ZMIZ1: variants seen among roughly 807,000 people sequenced by gnomAD.
ZMIZ1 encodes zinc finger MIZ-type containing 1, also known as zinc finger MIZ domain-containing protein 1.
ZMIZ1 carries 17 observed loss-of-function variants against 113.9 expected under a neutral mutation model. The observed-to-expected ratio is 0.15, with a 90% confidence interval of 0.10 to 0.22. ZMIZ1 has a LOEUF of 0.22. ZMIZ1 is among the 10% of genes least tolerant of loss of function. The pLI, the probability that ZMIZ1 is intolerant of heterozygous loss-of-function variation, is 1.00. For synonymous variants in ZMIZ1, 607 were observed against 603.1 expected (o/e 1.01, Z -0.09); for missense variants, 1,059 against 1,477.8 (o/e 0.72, Z 4.65).
intron 1 of ZMIZ1, among the ~76,000 whole-genome samples, chr10:79,091,847 A>C (rs1272906284): frequency 6.6e-6 from 1 of 152,140 alleles, no homozygotes; most frequent in Non-Finnish European, 1.5e-5. Flanking sequence ...AGAAGTGGGG[A>C]GGGAGAGGTG....
intron 1 of ZMIZ1, among the ~76,000 whole-genome samples, chr10:79,074,804 C>T (rs915366356): frequency 2.0e-5 from 3 of 152,198 alleles, no homozygotes; most frequent in African/African-American, 7.2e-5. Context: ...GGGTTCAGGC[C>T]AGGGAGCAGC....
chr10:79,200,619 A>G (rs927774205), intron 4 of ZMIZ1, among the ~76,000 whole-genome samples: 1 of 152,176 alleles, frequency 6.6e-6, no homozygotes, highest in Non-Finnish European at 1.5e-5. Context: ...GTGTGGGCTC[A>G]GACACCACTT....
intron 3 of ZMIZ1, among the ~76,000 whole-genome samples, chr10:79,144,545 C>T (rs958985098): frequency 1.3e-5 from 2 of 152,094 alleles, no homozygotes; most frequent in Non-Finnish European, 2.9e-5. Context: ...GCACAGGGAT[C>T]CCCCTGGTCC....
Position 79,273,964 on chromosome 10 carries a change from C to G in ZMIZ1, c.281-3217C>G, listed in dbSNP as rs74778158. ...GTACTGGCCAAGGCTGTCCTGGGCC[C>G]AAGCGAGCTGCATTTTATGAAGGGG... On this transcript the variant is annotated intron_variant, in intron 7 of 24. Coordinates refer to ENST00000334512, the MANE Select transcript of ZMIZ1 (RefSeq NM_020338.4). 8.6e-3 allele frequency among the ~76,000 whole-genome samples: 1,306 copies of G among 152,362 alleles called. 8 individuals carry two copies. Among genetic ancestry groups the G allele is most frequent in the Non-Finnish European group, 0.012 (826 of 68,030 alleles).
chr10:79,178,450 C>A (rs944060253), intron 4 of ZMIZ1, among the ~76,000 whole-genome samples: 13 of 152,224 alleles, frequency 8.5e-5, no homozygotes, highest in Non-Finnish European at 1.8e-4. Context: ...AACCTGCAAG[C>A]CCATCCAGCT....
chr10:79,204,024 G>A (rs1025902116), intron 5 of ZMIZ1, among the ~76,000 whole-genome samples: 4 of 152,222 alleles, frequency 2.6e-5, no homozygotes, highest in Admixed American at 6.5e-5. Context: ...TCTCCGGTCA[G>A]ACACAGCTCA....
At chr10:79,288,834 G>A (rs921291222) in intron 8 of ZMIZ1, among the ~76,000 whole-genome samples, 2 of 152,212 alleles carry the variant, frequency 1.3e-5, no homozygotes, top group Admixed American at 6.5e-5. Context: ...AGCACAAGAG[G>A]TGGGGCTGAA....
chr10:79,209,965 G>C (rs1848471436), intron 6 of ZMIZ1, among the ~76,000 whole-genome samples: 1 of 152,218 alleles, frequency 6.6e-6, no homozygotes, highest in Non-Finnish European at 1.5e-5. Context: ...GCACCATCTG[G>C]CTCCCTCAGG....
chr10:79,198,213 C>A (rs1847926836), intron 4 of ZMIZ1, among the ~76,000 whole-genome samples: 1 of 152,070 alleles, frequency 6.6e-6, no homozygotes, highest in Non-Finnish European at 1.5e-5. Flanking sequence ...GAGTGGAGAT[C>A]ACGCCACTGC....
At chr10:79,072,825 A>G (rs543361086) in intron 1 of ZMIZ1, among the ~76,000 whole-genome samples, 2 of 152,338 alleles carry the variant, frequency 1.3e-5, no homozygotes, top group East Asian at 3.9e-4. Flanking sequence ...ACGATTACCC[A>G]GGACACTGCT....
At position 79,216,253 on chromosome 10, in the gene ZMIZ1, A is replaced by C; in HGVS notation, c.259A>C (p.Lys87Gln). The C allele has an allele frequency of 6.3e-7, 1 of 1,591,834 alleles. No homozygotes were observed. The highest frequency in any genetic ancestry group is 8.6e-7 in the Non-Finnish European group (1 of 1,169,090). ...GGCTGTGTGTGCTGCAAACCGAGACAAGTTCACCCCGAAGTCTGCCGGTAG... is the reference window on the plus strand; with the variant it reads ...GGCTGTGTGTGCTGCAAACCGAGACCAGTTCACCCCGAAGTCTGCCGGTAG... ...LLAVCAANRD[K>Q]FTPKSAALLS... Residue 87 changes from lysine (K) to glutamine (Q), a missense_variant, in exon 7 of 25, where the codon AAG (lysine) becomes CAG (glutamine). Around this residue, in one of 6 missense-constraint regions of ZMIZ1, gnomAD observed 272 missense variants for 350.4 expected, o/e 0.78. Transcript: ENST00000334512.
At chr10:79,146,870 T>A (rs191701380) in intron 3 of ZMIZ1, among the ~76,000 whole-genome samples, 1 of 152,282 alleles carries the variant, frequency 6.6e-6, no homozygotes, top group African/African-American at 2.4e-5. Context: ...AGCCGGTCAC[T>A]TGTCCTTCAG....
chr10:79,208,306 C>A (rs1323907021), intron 5 of ZMIZ1, 30 bp from the exon 6 acceptor site: 1 of 1,596,792 alleles, frequency 6.3e-7, no homozygotes, highest in Middle Eastern at 1.7e-4. Flanking sequence ...ACTCTTGGAG[C>A]CTCAGCCGCC....
intron 3 of ZMIZ1, among the ~76,000 whole-genome samples, chr10:79,161,004 C>T (rs916110690): frequency 1.3e-5 from 2 of 152,202 alleles, no homozygotes; most frequent in Non-Finnish European, 2.9e-5. Context: ...AGAAGCCCAC[C>T]AGCCAGGCCT....
At chr10:79,180,004 C>T (rs1464484433) in intron 4 of ZMIZ1, among the ~76,000 whole-genome samples, 7 of 152,266 alleles carry the variant, frequency 4.6e-5, no homozygotes, top group Admixed American at 3.9e-4. Flanking sequence ...TGCCCCTCAT[C>T]CACTCGTTCT....
At chr10:79,197,969 A>G (rs1847914317) in intron 4 of ZMIZ1, among the ~76,000 whole-genome samples, 1 of 152,160 alleles carries the variant, frequency 6.6e-6, no homozygotes, top group African/African-American at 2.4e-5. Flanking sequence ...CGTTATTAAA[A>G]AGCATTTTGG....
intron 6 of ZMIZ1, among the ~76,000 whole-genome samples, chr10:79,214,300 CA>C (rs1472306602): frequency 6.6e-6 from 1 of 152,186 alleles, no homozygotes; most frequent in African/African-American, 2.4e-5. Flanking sequence ...ACTTCTGTGC[CA>C]GGGGCTTCTG....
chr10:79,257,338 G>C (rs1250533), intron 7 of ZMIZ1, among the ~76,000 whole-genome samples: 110,461 of 152,186 alleles, frequency 0.73, 40,403 homozygotes, highest in East Asian at 0.92. Flanking sequence ...TGACCCTGAG[G>C]TCTTTTGCAC....
intron 4 of ZMIZ1, among the ~76,000 whole-genome samples, chr10:79,175,125 T>C (rs1846771824): frequency 6.6e-6 from 1 of 152,228 alleles, no homozygotes. Flanking sequence ...CTCAGTGGCC[T>C]GTCTTAGACA....
Sources: gnomAD v4.1 joint callset for allele counts (sites outside exome capture counted in the v4.1 genomes callset) on GRCh38, gnomAD v4.1.1 for gene constraint, gnomAD v4.1.1 regional missense constraint, MANE v1.5 for transcripts, NCBI Gene and HGNC (gene_info 2026-07-23, HGNC 2026-07-21) for gene names.